PTPN7: variants seen among roughly 807,000 people sequenced by gnomAD.
PTPN7 encodes tyrosine-protein phosphatase non-receptor type 7.
In PTPN7, 33 loss-of-function variants were observed where a neutral mutation model predicts 50.3. The ratio of observed to expected loss-of-function variants is 0.66; its 90% CI spans 0.50 to 0.88. The LOEUF is 0.88. PTPN7 is among the 40% of genes least tolerant of loss of function. The pLI is 0.00. For missense variants in PTPN7, 412 were observed against 475.4 expected (o/e 0.87, Z 1.24); for synonymous variants, 185 against 186.6 (o/e 0.99, Z 0.07).
intron 4 of PTPN7, 133 bp from the exon 5 acceptor site, chr1:202,155,742 C>T (rs1027800630): frequency 4.2e-6 from 3 of 721,368 alleles, no homozygotes; most frequent in Non-Finnish European, 6.9e-6. Flanking sequence ...GGTGGCCTTA[C>T]ACCCACTGAA....
chr1:202,155,144 A>G (rs1335336793), intron 5 of PTPN7, among the ~76,000 whole-genome samples: 2 of 152,168 alleles, frequency 1.3e-5, no homozygotes, highest in East Asian at 1.9e-4. Flanking sequence ...TCTGAGGGGC[A>G]GTTAAGGTAA....
chr1:202,154,175 C>T lies in PTPN7; in HGVS notation c.606+11G>A. On this transcript the variant is annotated intron_variant, in intron 6 of 9. Coordinates refer to ENST00000691036, the MANE Select transcript of PTPN7 (RefSeq NM_002832.4). ...TCTGGGTTCATCATGAACTGTGGCT[C>T]TGCCTCCTACCTCCTTGCCCTCTCG... 1 of 1,613,896 alleles carries T rather than the reference C, an allele frequency of 6.2e-7. No individual in the cohort carries two copies. Among genetic ancestry groups the T allele is most frequent in the Non-Finnish European group, 8.5e-7 (1 of 1,180,016 alleles).
chr1:202,157,835 AG>A lies in PTPN7; in HGVS notation c.307-13del. Reference sequence around the variant, plus strand: ...TTTGAAGGGATCTTCTGGCAGGGGGAGGAAATGGGTGAGCAGCTGACTCCTA... The same window carrying A: ...TTTGAAGGGATCTTCTGGCAGGGGGAGAAATGGGTGAGCAGCTGACTCCTA... On this transcript the variant is annotated splice_polypyrimidine_tract_variant and intron_variant, in intron 3 of 9. Transcript: ENST00000691036. The A allele has an allele frequency of 1.9e-6, 3 of 1,611,040 alleles. No homozygotes were observed. The highest frequency in any genetic ancestry group is 2.5e-6 in the Non-Finnish European group (3 of 1,177,440).
chr1:202,156,694 G>A (rs1446882052), intron 4 of PTPN7, among the ~76,000 whole-genome samples: 1 of 152,204 alleles, frequency 6.6e-6, no homozygotes, highest in Non-Finnish European at 1.5e-5. Flanking sequence ...CCCTGGCCTG[G>A]AATAGCGCTA....
At chr1:202,152,899 G>A (rs191747991) in intron 7 of PTPN7, among the ~76,000 whole-genome samples, 200 bp from the exon 8 acceptor site, 1 of 152,310 alleles carries the variant, frequency 6.6e-6, no homozygotes, top group East Asian at 1.9e-4. Flanking sequence ...CATTGTCCTG[G>A]GAGAGGGGAG....
intron 8 of PTPN7, 46 bp downstream of exon 8, chr1:202,152,496 G>A: frequency 6.3e-7 from 1 of 1,592,710 alleles, no homozygotes; most frequent in Non-Finnish European, 8.5e-7. Context: ...GGGGGCAGGG[G>A]AGGGGAGCAC....
In PTPN7 at chr1:202,160,574, T is replaced by C; in HGVS notation, c.-82A>G. On this transcript the variant is annotated 5_prime_UTR_variant, in exon 1 of 10. Transcript: ENST00000691036. This position sits in a 1 kb window ranked among gnomAD's most constrained non-coding sequence, Gnocchi z 4.8. ...GCAGCTGTGGCCCCCAGGCTGCCTC[T>C]TGCCAGCTGTCTGTCTGTCTGTCGG... 2.6e-6 allele frequency: 4 copies of C among 1,549,902 alleles called. No homozygotes were observed. Among genetic ancestry groups the C allele is most frequent in the South Asian group, 1.2e-5 (1 of 84,050 alleles).
chr1:202,159,718 A>G lies in PTPN7; in HGVS notation c.-52-264T>C. The stretch of plus-strand genomic sequence containing the variant: ...AGAATCCAGAAGGAGGAAAAGAGAG[A>G]GGGGAGAGAGGCCACACACCAGAGT... On this transcript the variant is annotated intron_variant, in intron 1 of 9. Coordinates refer to ENST00000691036, the MANE Select transcript of PTPN7 (RefSeq NM_002832.4). This position sits in a 1 kb window ranked among gnomAD's most constrained non-coding sequence, Gnocchi z 4.6. 1.5e-6 allele frequency: 2 copies of G among 1,356,474 alleles called. No homozygotes were observed. The highest frequency in any genetic ancestry group is 1.9e-6 in the Non-Finnish European group (2 of 1,055,354). 84.0% of individuals were successfully genotyped at this position (1,356,474 alleles called of 1,614,324 possible). A position where few individuals can be genotyped will look rare whatever the true frequency, so the allele number is the denominator to read the frequency against.
chr1:202,150,814 A>G (rs1655925496), intron 8 of PTPN7, among the ~76,000 whole-genome samples: 1 of 151,980 alleles, frequency 6.6e-6, no homozygotes, highest in Non-Finnish European at 1.5e-5. Flanking sequence ...GCTCAGACTC[A>G]TCTTCCACGC....
In PTPN7 at chr1:202,159,275, T is replaced by G; in HGVS notation, c.122+6A>C. On this transcript the variant is annotated splice_donor_region_variant and intron_variant, in intron 2 of 9. Coordinates refer to ENST00000691036, the MANE Select transcript of PTPN7 (RefSeq NM_002832.4). The surrounding 1 kb of genome is among the most constrained non-coding windows in gnomAD (Gnocchi z 4.6). The stretch of plus-strand genomic sequence containing the variant: ...CGGAAGACCCCTCCCCCAGGGAAGA[T>G]CTCACCTCTCCTGCAGTCGCACATG... 1.2e-6 allele frequency: 2 copies of G among 1,613,726 alleles called. No homozygotes were observed. Among genetic ancestry groups the G allele is most frequent in the Non-Finnish European group, 1.7e-6 (2 of 1,179,770 alleles).
rs139987459 is a variant in PTPN7 at position 202,152,610 on chromosome 1, G to A, written c.807C>T (p.Arg269=). ...QTPESAGPLL[R]LVAEVEESPE... is the part of the protein sequence containing the mutation. ...GGCTCTCCTCCACCTCTGCCACTAG[G>A]CGCAGCAGGGGCCCAGCTGATTCTG... The change falls in exon 8 of 10, where the codon CGC becomes CGT. Residue 269 remains arginine, a synonymous_variant. Transcript: ENST00000691036. 65 of 1,614,058 alleles carry A rather than the reference G, an allele frequency of 4.0e-5. No individual in the cohort carries two copies. The highest frequency in any genetic ancestry group is 5.4e-5 in the Non-Finnish European group (64 of 1,180,046).
rs1274794879 is a variant in PTPN7 at position 202,159,422 on chromosome 1, C to T, written c.-20G>A. 4 of 1,613,954 alleles carry T rather than the reference C, an allele frequency of 2.5e-6. No individual in the cohort carries two copies. Among genetic ancestry groups the T allele is most frequent in the African/African-American group, 1.3e-5 (1 of 74,928 alleles). On this transcript the variant is annotated 5_prime_UTR_variant, in exon 2 of 10. Transcript: ENST00000691036. The surrounding 1 kb of genome is among the most constrained non-coding windows in gnomAD (Gnocchi z 4.6). ...GACCATGCTGAGGTGGGGTGCTGGGCCCAGGGGAGGCTCACTCAGCCATGA... is the reference window on the plus strand; with the variant it reads ...GACCATGCTGAGGTGGGGTGCTGGGTCCAGGGGAGGCTCACTCAGCCATGA...
Position 202,158,101 on chromosome 1 carries a change from G to C in PTPN7, c.306+17C>G, listed in dbSNP as rs1292136390. 6.4e-7 allele frequency: 1 copy of C among 1,573,886 alleles called. No homozygotes were observed. Among genetic ancestry groups the C allele is most frequent in the East Asian group, 2.2e-5 (1 of 44,674 alleles). The stretch of plus-strand genomic sequence containing the variant: ...TACAGAGGGCAGAGCGATTCAGAGG[G>C]GACCCCAATTTCTTACCAAGAATTC... On this transcript the variant is annotated intron_variant, in intron 3 of 9. Coordinates refer to ENST00000691036, the MANE Select transcript of PTPN7 (RefSeq NM_002832.4).
Position 202,152,664 on chromosome 1 carries a change from G to A in PTPN7, c.753C>T (p.Leu251=). The A allele has an allele frequency of 6.2e-7, 1 of 1,614,108 alleles. No individual in the cohort carries two copies. The highest frequency in any genetic ancestry group is 8.5e-7 in the Non-Finnish European group (1 of 1,180,022). Residue 251 remains leucine (L), a synonymous_variant, in exon 8 of 10, where the codon CTC becomes CTT. Coordinates refer to ENST00000691036, the MANE Select transcript of PTPN7 (RefSeq NM_002832.4). ...TCTGATGGTCTGGCCAGGCCGAAAAGAGGATGTGCTTTACTGACCGGCGCT... is the reference window on the plus strand; with the variant it reads ...TCTGATGGTCTGGCCAGGCCGAAAAAAGGATGTGCTTTACTGACCGGCGCT... The part of the protein sequence containing the change: ...QEERRSVKHI[L]FSAWPDHQTP...
Position 202,148,494 on chromosome 1 carries a change from T to G in PTPN7, c.*112A>C. ...GCAAGCACCACTAAGGAGGCACTCCTTCCCCACACCAACCCAAGGGGTACC... is the reference window on the plus strand; with the variant it reads ...GCAAGCACCACTAAGGAGGCACTCCGTCCCCACACCAACCCAAGGGGTACC... On this transcript the variant is annotated 3_prime_UTR_variant, in exon 10 of 10. Coordinates refer to ENST00000691036, the MANE Select transcript of PTPN7 (RefSeq NM_002832.4). 1.1e-6 allele frequency: 1 copy of G among 904,190 alleles called. No homozygotes were observed. Among genetic ancestry groups the G allele is most frequent in the Non-Finnish European group, 1.7e-6 (1 of 595,882 alleles). The allele number at this position is 904,190 out of a possible 1,614,324, so 56.0% of individuals were successfully genotyped here. A position where few individuals can be genotyped will look rare whatever the true frequency, so the allele number is the denominator to read the frequency against.
intron 5 of PTPN7, among the ~76,000 whole-genome samples, chr1:202,155,140 G>C (rs1055452141): frequency 1.3e-5 from 2 of 152,140 alleles, no homozygotes; most frequent in Non-Finnish European, 2.9e-5. Context: ...GCTATCTGAG[G>C]GGCAGTTAAG....
rs773156614 is a variant in PTPN7, at chr1:202,147,291, C to A, written c.*1315G>T. ...CCCCAAGGCTGTAAGGAAGGAGCAG[C>A]TCCTCCATAAGGCCAAGCAGAAGCA... On this transcript the variant is annotated 3_prime_UTR_variant, in exon 10 of 10. Coordinates refer to ENST00000691036, the MANE Select transcript of PTPN7 (RefSeq NM_002832.4). 1 of 152,074 alleles carries A rather than the reference C, an allele frequency of 6.6e-6. No individual in the cohort carries two copies. The highest frequency in any genetic ancestry group is 1.5e-5 in the Non-Finnish European group (1 of 68,096). 9.4% of individuals were successfully genotyped at this position (152,074 alleles called of 1,614,324 possible). A position where few individuals can be genotyped will look rare whatever the true frequency, so the allele number is the denominator to read the frequency against.
At chr1:202,157,629 G>A (rs1656823051) in intron 4 of PTPN7, 110 bp downstream of exon 4, 2 of 976,914 alleles carry the variant, frequency 2.0e-6, no homozygotes, top group Non-Finnish European at 3.1e-6. Flanking sequence ...GAGAGAAGAT[G>A]TGCCAAGCAA....
In PTPN7 at chr1:202,160,475, C is replaced by G; in HGVS notation, c.-53+70G>C. The G allele has an allele frequency of 6.9e-7, 1 of 1,440,640 alleles. No homozygotes were observed. The highest frequency in any genetic ancestry group is 9.4e-7 in the Non-Finnish European group (1 of 1,063,506). 89.2% of individuals were successfully genotyped at this position (1,440,640 alleles called of 1,614,324 possible). On this transcript the variant is annotated intron_variant, in intron 1 of 9. Coordinates refer to ENST00000691036, the MANE Select transcript of PTPN7 (RefSeq NM_002832.4). The surrounding 1 kb of genome is among the most constrained non-coding windows in gnomAD (Gnocchi z 4.8). ...CCTCCCGCACTCCCTCCTAGAGATG[C>G]CCTCTTATATCCCCGGAGTTCGCAC...
Sources: gnomAD v4.1 joint callset for allele counts (sites outside exome capture counted in the v4.1 genomes callset) on GRCh38, gnomAD v4.1.1 for gene constraint, Gnocchi (gnomAD v3.1) non-coding constraint, MANE v1.5 for transcripts, NCBI Gene and HGNC (gene_info 2026-07-23, HGNC 2026-07-21) for gene names.